The following ZNF704 variants were observed in gnomAD, a reference collection of about 807,000 sequenced individuals.
The protein encoded by ZNF704 is zinc finger protein 704, also known as glucocorticoid induced gene 1.
In ZNF704, 10 loss-of-function variants were observed where a neutral mutation model predicts 44.7. That is an observed-to-expected ratio of 0.22 (90% CI 0.14 to 0.38). The LOEUF (loss-of-function observed/expected upper bound fraction) is 0.38, where lower values mean the gene tolerates loss of function less well. Among genes scored for constraint, ZNF704 ranks in the 10% least tolerant of loss-of-function variants. The pLI is 1.00. For synonymous variants in ZNF704, 211 were observed against 207.6 expected (o/e 1.02, Z -0.14); for missense variants, 390 against 545.5 (o/e 0.71, Z 2.84).
chr8:80,637,372 T>C lies in ZNF704; in HGVS notation c.*3994A>G, dbSNP rs559810294. The C allele has an allele frequency of 3.9e-5, 6 of 152,310 alleles. No individual in the cohort carries two copies. The East Asian group carries it at 1.2e-3, about 29-fold the overall frequency. The allele number at this position is 152,310 out of a possible 1,614,324, so 9.4% of individuals were successfully genotyped here. ...CTACTATTCTCAAGGTATTCTCTGT[T>C]ATATGTACAATTCTGGCCACTTTTC... On this transcript the variant is annotated 3_prime_UTR_variant, in exon 9 of 9. Coordinates refer to ENST00000327835, the MANE Select transcript of ZNF704 (RefSeq NM_001033723.3).
intron 1 of ZNF704, among the ~76,000 whole-genome samples, chr8:80,846,038 A>G (rs1343722751): frequency 2.0e-5 from 3 of 152,160 alleles, no homozygotes; most frequent in African/African-American, 7.2e-5. Flanking sequence ...AGTATTGTGT[A>G]TAACATTCAA....
At chr8:80,756,243 A>C (rs1013365503) in intron 2 of ZNF704, among the ~76,000 whole-genome samples, 27 of 152,208 alleles carry the variant, frequency 1.8e-4, no homozygotes, top group African/African-American at 6.5e-4. Context: ...ACTCCCTCTA[A>C]GAAAACCAAA....
chr8:80,786,703 GTGTGCTCAGTCAGACAAT>G (rs1254546232), intron 2 of ZNF704, among the ~76,000 whole-genome samples: 1 of 152,152 alleles, frequency 6.6e-6, no homozygotes, highest in Non-Finnish European at 1.5e-5. Flanking sequence ...TCATAAATAG[GTGTGCTCAGTCAGACAAT>G]CACCAATGGC....
At chr8:80,802,772 C>T (rs1303137529) in intron 2 of ZNF704, among the ~76,000 whole-genome samples, 1 of 152,114 alleles carries the variant, frequency 6.6e-6, no homozygotes, top group Non-Finnish European at 1.5e-5. Context: ...CCCTTGAAAA[C>T]CAACACAAGA....
intron 2 of ZNF704, among the ~76,000 whole-genome samples, chr8:80,813,041 C>G (rs572280962): frequency 6.6e-6 from 1 of 152,166 alleles, no homozygotes; most frequent in Non-Finnish European, 1.5e-5. Context: ...ACCTACGGCA[C>G]GGGCATCACA....
At chr8:80,737,095 T>C (rs1350982493) in intron 2 of ZNF704, among the ~76,000 whole-genome samples, 1 of 152,238 alleles carries the variant, frequency 6.6e-6, no homozygotes, top group Admixed American at 6.5e-5. Context: ...ATTCATTGCA[T>C]ACCTATATAC....
intron 2 of ZNF704, among the ~76,000 whole-genome samples, chr8:80,819,390 GGTAT>G (rs761856885): frequency 1.3e-5 from 2 of 151,934 alleles, no homozygotes; most frequent in Admixed American, 6.6e-5. Context: ...AAAGAATAAA[GGTAT>G]ACTTAAAACA....
chr8:80,724,005 C>T (rs1806427492), intron 2 of ZNF704, among the ~76,000 whole-genome samples: 1 of 152,188 alleles, frequency 6.6e-6, no homozygotes, highest in Non-Finnish European at 1.5e-5. Flanking sequence ...AAAACCATTA[C>T]AAGCCTTTTA....
In ZNF704 at chr8:80,733,121, T is replaced by A. The variant is rs183431375; in HGVS notation, c.222-40014A>T. Among the ~76,000 whole-genome samples the A allele has an allele frequency of 3.3e-5, 5 of 152,204 alleles. No homozygotes were observed. In the East Asian group the frequency reaches 9.7e-4, roughly 29 times the overall value. Reference sequence around the variant, plus strand: ...AAAGCAAATCCACCCACCCATTAAGTTTTTAATTTCAGTTTTTGAATTTTT... The same window carrying A: ...AAAGCAAATCCACCCACCCATTAAGATTTTAATTTCAGTTTTTGAATTTTT... On this transcript the variant is annotated intron_variant, in intron 2 of 8. Coordinates refer to ENST00000327835, the MANE Select transcript of ZNF704 (RefSeq NM_001033723.3).
At chr8:80,644,922 G>C in intron 7 of ZNF704, 1 of 1,001,272 alleles carries the variant, frequency 1.0e-6, no homozygotes, top group Non-Finnish European at 1.6e-6. Context: ...CTGAAAAGCA[G>C]CTTGCCAGCT....
At chr8:80,860,632 C>T (rs1334016105) in intron 1 of ZNF704, among the ~76,000 whole-genome samples, 2 of 152,148 alleles carry the variant, frequency 1.3e-5, no homozygotes, top group African/African-American at 4.8e-5. Context: ...CATCTTTACC[C>T]ACTCTCTCAT....
At chr8:80,758,339 A>C (rs577256687) in intron 2 of ZNF704, among the ~76,000 whole-genome samples, 10 of 152,318 alleles carry the variant, frequency 6.6e-5, no homozygotes, top group African/African-American at 2.4e-4. Flanking sequence ...AGACTGATGA[A>C]GTGTGGGAAG....
At chr8:80,777,073 A>G (rs755403779) in intron 2 of ZNF704, 4 of 152,046 alleles carry the variant, frequency 2.6e-5, no homozygotes, top group Non-Finnish European at 4.4e-5. Context: ...TTTCTATCCA[A>G]TATAAATTAG....
chr8:80,727,201 T>C (rs1052937612), intron 2 of ZNF704, among the ~76,000 whole-genome samples: 4 of 152,178 alleles, frequency 2.6e-5, no homozygotes, highest in African/African-American at 4.8e-5. Context: ...ATACATATTA[T>C]AATGAAAAGA....
intron 1 of ZNF704, among the ~76,000 whole-genome samples, chr8:80,871,138 C>G (rs778621542): frequency 9.9e-5 from 15 of 152,206 alleles, no homozygotes; most frequent in African/African-American, 3.6e-4. Context: ...TGTGTAGTGA[C>G]AGCCACCCAA....
chr8:80,879,413 GTTTA>G (rs1809398340), upstream of ZNF704, among the ~76,000 whole-genome samples: 1 of 151,866 alleles, frequency 6.6e-6, no homozygotes, highest in Non-Finnish European at 1.5e-5. Flanking sequence ...GTTTTTGGGG[GTTTA>G]TTTGTTTGTA....
At chr8:80,833,174 C>T (rs187475249) in intron 1 of ZNF704, among the ~76,000 whole-genome samples, 207 of 152,220 alleles carry the variant, frequency 1.4e-3, no homozygotes, top group African/African-American at 4.7e-3. Flanking sequence ...GGTGAAACCC[C>T]GTCTCTACTA....
At chr8:80,787,261 C>T (rs1475475887) in intron 2 of ZNF704, among the ~76,000 whole-genome samples, 1 of 152,188 alleles carries the variant, frequency 6.6e-6, no homozygotes, top group African/African-American at 2.4e-5. Context: ...CTCTTTACCT[C>T]TTTCTTCAAA....
chr8:80,718,497 G>T (rs1819110094), intron 2 of ZNF704, among the ~76,000 whole-genome samples: 1 of 152,180 alleles, frequency 6.6e-6, no homozygotes, highest in Non-Finnish European at 1.5e-5. Flanking sequence ...AAATTGGACA[G>T]ACAGGATGGT....
Sources: allele counts gnomAD v4.1 joint callset (sites outside exome capture counted in the v4.1 genomes callset), GRCh38; gene constraint gnomAD v4.1.1; transcripts MANE v1.5; gene names NCBI Gene and HGNC (gene_info 2026-07-23, HGNC 2026-07-21).